The following PDS5A variants were observed in gnomAD, a reference collection of about 807,000 sequenced individuals.
PDS5A encodes sister chromatid cohesion protein PDS5 homolog A.
A neutral mutation model predicts 167.1 loss-of-function variants in PDS5A; 42 were observed. The observed-to-expected ratio is 0.25, with a 90% CI of 0.20 to 0.33. The LOEUF (loss-of-function observed/expected upper bound fraction) is 0.33. Among genes scored for constraint, PDS5A ranks in the 10% least tolerant of loss-of-function variants. The pLI, the probability that PDS5A is intolerant of heterozygous loss-of-function variation, is 1.00. For synonymous variants in PDS5A, 553 were observed against 554.6 expected, an observed-to-expected ratio of 1.00 and a Z score of 0.04; for missense variants, 1,033 against 1,605.9, an observed-to-expected ratio of 0.64 and a Z score of 6.10.
intron 2 of PDS5A, 145 bp from the exon 3 acceptor site, chr4:39,928,309 T>C: frequency 1.7e-5 from 10 of 596,120 alleles, no homozygotes; most frequent in Non-Finnish European, 3.0e-5. Flanking sequence ...TAAATCTTCA[T>C]TTAAGAATTT....
chr4:39,962,329 T>G (rs1333699775), intron 2 of PDS5A, among the ~76,000 whole-genome samples: 1 of 152,118 alleles, frequency 6.6e-6, no homozygotes, highest in Admixed American at 6.6e-5. Flanking sequence ...GTGCTGGGAT[T>G]ACAGGCGTAA....
intron 26 of PDS5A, among the ~76,000 whole-genome samples, chr4:39,854,480 C>T (rs983478532): frequency 3.2e-4 from 49 of 152,158 alleles, no homozygotes; most frequent in Non-Finnish European, 1.8e-4. Context: ...TATTCTTCCT[C>T]CAGGTCGTTT....
intron 26 of PDS5A, among the ~76,000 whole-genome samples, chr4:39,855,297 C>T (rs1469816555): frequency 6.6e-6 from 1 of 152,168 alleles, no homozygotes; most frequent in Non-Finnish European, 1.5e-5. Context: ...GGAATACAGA[C>T]TTTGTGAAAG....
At chr4:39,875,080 T>C (rs1720351430) in intron 19 of PDS5A, among the ~76,000 whole-genome samples, 1 of 152,150 alleles carries the variant, frequency 6.6e-6, no homozygotes, top group Non-Finnish European at 1.5e-5. Flanking sequence ...AAACTGGGAG[T>C]TGGGATTTGA....
chr4:39,923,642 C>CACACACACAAACACACAAACACACAA (rs767913218), intron 5 of PDS5A, among the ~76,000 whole-genome samples: 1 of 148,026 alleles, frequency 6.8e-6, no homozygotes, highest in Non-Finnish European at 1.5e-5. Flanking sequence ...TCTCAAAACA[C>CACACACACAAACACACAAACACACAA]ACACACACAC....
intron 32 of PDS5A, among the ~76,000 whole-genome samples, chr4:39,829,874 C>A (rs1472918893): frequency 7.4e-6 from 1 of 134,882 alleles, no homozygotes; most frequent in African/African-American, 2.9e-5. Context: ...TGGCGTGAGC[C>A]CAGGAGGTGG....
At chr4:39,826,623 C>T (rs1275842255) in intron 32 of PDS5A, among the ~76,000 whole-genome samples, 1 of 151,838 alleles carries the variant, frequency 6.6e-6, no homozygotes, top group African/African-American at 2.4e-5. Context: ...GTAGCTGGGA[C>T]TACAGGTGCG....
intron 5 of PDS5A, among the ~76,000 whole-genome samples, chr4:39,923,336 AAAAAAAAAAAG>A (rs1019492886): frequency 2.7e-5 from 4 of 150,786 alleles, no homozygotes; most frequent in African/African-American, 7.3e-5. Flanking sequence ...TCAATTAAAA[AAAAAAAAAAAG>A]AAAAAAAAAA....
At chr4:39,899,374 A>G (rs778542268) in intron 14 of PDS5A, among the ~76,000 whole-genome samples, 1 of 152,192 alleles carries the variant, frequency 6.6e-6, no homozygotes, top group Non-Finnish European at 1.5e-5. Flanking sequence ...ATTTAGTTCA[A>G]AAGTTAGAAA....
chr4:39,875,116 C>T (rs1720354110), intron 19 of PDS5A, among the ~76,000 whole-genome samples: 1 of 152,116 alleles, frequency 6.6e-6, no homozygotes, highest in Admixed American at 6.5e-5. Context: ...TCAAAATCCA[C>T]ATACTTAACC....
Position 39,954,670 on chromosome 4 carries a change from T to TA in PDS5A, c.138+21769dup, listed in dbSNP as rs777287409. Reference sequence around the variant, plus strand: ...TAAGTACCCATTGTCAAGAGATAAGTAAAAAAAAAAAAAAAAAAAAAAAAA... The same window carrying TA: ...TAAGTACCCATTGTCAAGAGATAAGTAAAAAAAAAAAAAAAAAAAAAAAAAA... On this transcript the variant is annotated intron_variant, in intron 2 of 32. Coordinates refer to ENST00000303538, the MANE Select transcript of PDS5A (RefSeq NM_001100399.2). Among the ~76,000 whole-genome samples the TA allele has an allele frequency of 9.4e-3, 452 of 48,226 alleles. 13 individuals carry two copies. The highest frequency in any genetic ancestry group is 0.068 in the East Asian group (90 of 1,326). The allele number at this position is 48,226 out of a possible 152,430, so 31.6% of individuals were successfully genotyped here.
rs1722954373 is a variant in PDS5A at position 39,902,379 on chromosome 4, G to A, written c.1467C>T (p.Tyr489=). The A allele has an allele frequency of 1.3e-6, 2 of 1,565,484 alleles. No homozygotes were observed. Among genetic ancestry groups the A allele is most frequent in the Non-Finnish European group, 1.8e-6 (2 of 1,140,740 alleles). Residue 489 remains tyrosine, a synonymous_variant, in exon 13 of 33, where the codon TAC becomes TAT. Coordinates refer to ENST00000303538, the MANE Select transcript of PDS5A (RefSeq NM_001100399.2). Reference sequence around the variant, plus strand: ...CATTTGGATCCAAACTAGCATATAAGTAATATAAGCATTTCATTCTCTCTT... The same window carrying A: ...CATTTGGATCCAAACTAGCATATAAATAATATAAGCATTTCATTCTCTCTT... ...ETEERMKCLY[Y]LYASLDPNAV... is the part of the protein sequence containing the mutation.
intron 4 of PDS5A, 21 bp downstream of exon 4, chr4:39,926,754 T>C: frequency 6.0e-6 from 8 of 1,333,406 alleles, no homozygotes; most frequent in Non-Finnish European, 7.9e-6. Flanking sequence ...TTAATAGTTA[T>C]TAAAGTTTTT....
chr4:39,974,692 C>T (rs760936447), intron 2 of PDS5A, among the ~76,000 whole-genome samples: 3 of 152,018 alleles, frequency 2.0e-5, no homozygotes, highest in African/African-American at 4.8e-5. Context: ...TACAGGTATG[C>T]GCCACCACGC....
chr4:39,889,257 T>C lies in PDS5A; in HGVS notation c.1886+992A>G, dbSNP rs146470004. ...CACAGTGAGAAGGAAGCCATCTGTT[T>C]ATGAAGATGAGAGGCTTCAGGAAAA... On this transcript the variant is annotated intron_variant, in intron 17 of 32. Coordinates refer to ENST00000303538, the MANE Select transcript of PDS5A (RefSeq NM_001100399.2). Among the ~76,000 whole-genome samples, 5 of 152,354 alleles carry C rather than the reference T, an allele frequency of 3.3e-5. No homozygotes were observed. The East Asian group carries it at 7.7e-4, about 23-fold the overall frequency.
chr4:39,914,374 C>T (rs941627330), intron 8 of PDS5A, among the ~76,000 whole-genome samples: 2 of 151,922 alleles, frequency 1.3e-5, no homozygotes, highest in African/African-American at 4.8e-5. Flanking sequence ...CTTGGCCAGG[C>T]TGGTCTCGAA....
At chr4:39,906,559 GATC>G (rs908991693) in intron 11 of PDS5A, among the ~76,000 whole-genome samples, 20 of 151,018 alleles carry the variant, frequency 1.3e-4, no homozygotes, top group Admixed American at 6.0e-4. Context: ...TTAGAATGAG[GATC>G]ATCATAAGAT....
intron 21 of PDS5A, among the ~76,000 whole-genome samples, chr4:39,871,613 A>C (rs1352577441): frequency 2.0e-5 from 3 of 152,220 alleles, no homozygotes; most frequent in Non-Finnish European, 4.4e-5. Context: ...ACTTAAATGA[A>C]AGTCATCCAC....
chr4:39,952,904 T>G (rs763961771), intron 2 of PDS5A, among the ~76,000 whole-genome samples: 6 of 152,114 alleles, frequency 3.9e-5, no homozygotes, highest in Non-Finnish European at 8.8e-5. Flanking sequence ...AATTTTTGTA[T>G]TTTTAGTAGA....
Sources: allele counts gnomAD v4.1 joint callset (sites outside exome capture counted in the v4.1 genomes callset), GRCh38; gene constraint gnomAD v4.1.1; transcripts MANE v1.5; gene names NCBI Gene and HGNC (gene_info 2026-07-23, HGNC 2026-07-21).